AGMO: variants seen among roughly 807,000 people sequenced by gnomAD.
The protein encoded by AGMO is glyceryl-ether monooxygenase.
AGMO carries 75 observed loss-of-function variants against 60.2 expected under a neutral mutation model. The observed-to-expected ratio is 1.25, with a 90% CI of 1.03 to 1.51. The LOEUF is 1.51. Ranked by LOEUF, AGMO falls within the 40% of genes most tolerant of loss-of-function variation. The pLI is 0.00. For missense variants in AGMO, 763 were observed against 525.5 expected (o/e 1.45, Z -4.42); for synonymous variants, 261 against 177.1 (o/e 1.47, Z -3.76).
At chr7:15,133,297 T>C in the AGMO span, among the ~76,000 whole-genome samples, 63 of 152,322 alleles carry the variant, frequency 4.1e-4, no homozygotes, top group African/African-American at 1.4e-3. Flanking sequence ...TAAGTGTCTG[T>C]AGCAATATCC....
chr7:15,354,399 T>TGTGTATACAC (rs1563105302), intron 12 of AGMO, among the ~76,000 whole-genome samples: 1 of 33,226 alleles, frequency 3.0e-5, no homozygotes, highest in African/African-American at 3.2e-4. Context: ...TGTATACACG[T>TGTGTATACAC]GTGTGTACAC....
intron 12 of AGMO, among the ~76,000 whole-genome samples, chr7:15,271,359 G>GTTCTCCTT (rs1419270003): frequency 6.6e-6 from 1 of 151,998 alleles, no homozygotes; most frequent in Admixed American, 6.6e-5. Flanking sequence ...GTGTTTTGTA[G>GTTCTCCTT]TTCTCCTTGT....
At chr7:15,193,836 G>C in the AGMO span, among the ~76,000 whole-genome samples, 4 of 152,070 alleles carry the variant, frequency 2.6e-5, no homozygotes, top group African/African-American at 9.7e-5. Context: ...CTGATGTCTG[G>C]CAGCAAAACA....
At chr7:15,341,089 A>G (rs10280271) in intron 12 of AGMO, among the ~76,000 whole-genome samples, 83,978 of 151,944 alleles carry the variant, frequency 0.55, 24,572 homozygotes, top group African/African-American at 0.76. Flanking sequence ...AAATCATTTC[A>G]GAGCTTGAAG....
chr7:15,229,337 G>C (rs1448572044), intron 12 of AGMO, among the ~76,000 whole-genome samples: 1 of 150,962 alleles, frequency 6.6e-6, no homozygotes, highest in South Asian at 2.1e-4. Context: ...ATACTACTAG[G>C]GATAATATAT....
At chr7:15,336,516 G>T (rs1781666958) in intron 12 of AGMO, among the ~76,000 whole-genome samples, 2 of 152,000 alleles carry the variant, frequency 1.3e-5, no homozygotes, top group South Asian at 4.1e-4. Flanking sequence ...TCATGTAGAA[G>T]GACTGCTGTT....
chr7:15,400,944 T>C (rs1037626521), intron 5 of AGMO, among the ~76,000 whole-genome samples: 16 of 152,134 alleles, frequency 1.1e-4, no homozygotes, highest in Non-Finnish European at 2.2e-4. Flanking sequence ...CGCCCTATCC[T>C]GCACTTACAC....
At chr7:15,256,438 G>A (rs1783100231) in intron 12 of AGMO, among the ~76,000 whole-genome samples, 2 of 152,110 alleles carry the variant, frequency 1.3e-5, no homozygotes, top group Non-Finnish European at 2.9e-5. Flanking sequence ...CGCCTCCCAG[G>A]TTCACGCCAT....
At chr7:15,293,670 AT>A (rs1243007337) in intron 12 of AGMO, among the ~76,000 whole-genome samples, 1 of 152,198 alleles carries the variant, frequency 6.6e-6, no homozygotes, top group Non-Finnish European at 1.5e-5. Context: ...AAAGATCAGT[AT>A]TTGATAAGTG....
intron 12 of AGMO, among the ~76,000 whole-genome samples, chr7:15,277,893 A>T (rs1783845887): frequency 6.6e-6 from 1 of 152,118 alleles, no homozygotes; most frequent in Non-Finnish European, 1.5e-5. Context: ...TATCCCAATG[A>T]TGACAAGGGC....
At chr7:15,228,439 G>A (rs566142217) in intron 12 of AGMO, among the ~76,000 whole-genome samples, 1 of 152,266 alleles carries the variant, frequency 6.6e-6, no homozygotes, top group East Asian at 1.9e-4. Flanking sequence ...AAAGAGAGAT[G>A]TATGGAAGGA....
chr7:15,358,285 G>A, intron 12 of AGMO: 1 of 376,666 alleles, frequency 2.7e-6, no homozygotes, highest in South Asian at 2.1e-5. Flanking sequence ...GCTGCTTTGA[G>A]TATTGGTTTC....
intron 10 of AGMO, among the ~76,000 whole-genome samples, chr7:15,370,904 T>G (rs11975952): frequency 1.3e-5 from 2 of 151,890 alleles, no homozygotes; most frequent in Non-Finnish European, 2.9e-5. Context: ...CTAGGTCCCA[T>G]CTGTCAATTT....
At chr7:15,543,948 C>A (rs919405801) in intron 3 of AGMO, among the ~76,000 whole-genome samples, 5 of 151,654 alleles carry the variant, frequency 3.3e-5, no homozygotes, top group South Asian at 2.1e-4. Flanking sequence ...TCCCTTTTCA[C>A]CGCAAAAATA....
intron 3 of AGMO, among the ~76,000 whole-genome samples, chr7:15,492,431 G>A (rs565391843): frequency 1.3e-5 from 2 of 151,658 alleles, no homozygotes; most frequent in South Asian, 4.2e-4. Flanking sequence ...TTTCCGCAGG[G>A]CTATATAAGT....
the AGMO span, among the ~76,000 whole-genome samples, chr7:15,169,539 C>A: frequency 6.6e-6 from 1 of 152,004 alleles, no homozygotes; most frequent in African/African-American, 2.4e-5. Flanking sequence ...TGGGTTCAAG[C>A]AATTCTCCTG....
Position 15,248,222 on chromosome 7 carries a change from A to ATCTATC in AGMO, c.1264-46864_1264-46863insGATAGA, listed in dbSNP as rs1331296298. Reference sequence around the variant, plus strand: ...TATATATATATATATATATATATATATATCTTCATCTTCAATTCTAGTCTA... The same window carrying ATCTATC: ...TATATATATATATATATATATATATATCTATCTATCTTCATCTTCAATTCTAGTCTA... On this transcript the variant is annotated intron_variant, in intron 12 of 12. Coordinates refer to ENST00000342526, the MANE Select transcript of AGMO (RefSeq NM_001004320.2). 7.3e-4 allele frequency among the ~76,000 whole-genome samples: 76 copies of ATCTATC among 104,196 alleles called. 3 individuals are homozygous for ATCTATC. Among genetic ancestry groups the ATCTATC allele is most frequent in the African/African-American group, 2.5e-3 (70 of 27,454 alleles). 68.4% of individuals were successfully genotyped at this position (104,196 alleles called of 152,430 possible). A position where few individuals can be genotyped will look rare whatever the true frequency, so the allele number is the denominator to read the frequency against.
chr7:15,249,663 A>T (rs9690472), intron 12 of AGMO, among the ~76,000 whole-genome samples: 67,354 of 151,818 alleles, frequency 0.44, 17,704 homozygotes, highest in African/African-American at 0.75. Flanking sequence ...GCTGTGGATA[A>T]TCAGAAACAG....
intron 12 of AGMO, among the ~76,000 whole-genome samples, chr7:15,300,531 T>A (rs1272986821): frequency 6.6e-6 from 1 of 152,166 alleles, no homozygotes; most frequent in East Asian, 1.9e-4. Context: ...AAATGCTTGC[T>A]ACAGTTATTT....
Sources: allele counts gnomAD v4.1 joint callset (sites outside exome capture counted in the v4.1 genomes callset), GRCh38; gene constraint gnomAD v4.1.1; transcripts MANE v1.5; gene names NCBI Gene and HGNC (gene_info 2026-07-23, HGNC 2026-07-21).